Variants in MCF2L2 observed in about 807,000 individuals in gnomAD.
MCF2L2 encodes the protein probable guanine nucleotide exchange factor MCF2L2.
MCF2L2 carries 102 observed loss-of-function variants against 150.2 expected under a neutral mutation model. The observed-to-expected ratio is 0.68, with a 90% CI of 0.58 to 0.80. The LOEUF is 0.80. Among genes scored for constraint, MCF2L2 ranks in the 30% least tolerant of loss-of-function variants. The probability of loss-of-function intolerance (pLI) is 0.00; values close to 1 mark genes in which losing one functional copy is unlikely to be tolerated. For missense variants in MCF2L2, 1,256 were observed against 1,372.8 expected (o/e 0.91, Z 1.34); for synonymous variants, 465 against 491.3 (o/e 0.95, Z 0.71).
rs189421406 is a variant in MCF2L2, at chr3:183,426,518, T to C, written c.76+1384A>G. Among the ~76,000 whole-genome samples, 6 of 152,356 alleles carry C rather than the reference T, an allele frequency of 3.9e-5. No individual in the cohort carries two copies. In the East Asian group the frequency reaches 1.2e-3, roughly 29 times the overall value. On this transcript the variant is annotated intron_variant, in intron 1 of 29. Transcript: ENST00000328913. ...CTTTGAGCTGAGTGGGAAAGTACTATTAAAATTCCTATTTTTCAACCTGAG... is the reference window on the plus strand; with the variant it reads ...CTTTGAGCTGAGTGGGAAAGTACTACTAAAATTCCTATTTTTCAACCTGAG...
intron 15 of MCF2L2, chr3:183,276,622 T>C: frequency 2.4e-6 from 1 of 419,904 alleles, no homozygotes; most frequent in Non-Finnish European, 4.2e-6. Context: ...ATTCTCTTGA[T>C]AGCCCAATTT....
intron 10 of MCF2L2, among the ~76,000 whole-genome samples, chr3:183,309,436 G>A (rs529769959): frequency 6.6e-6 from 1 of 152,108 alleles, no homozygotes; most frequent in Non-Finnish European, 1.5e-5. Flanking sequence ...CCACTTGGCT[G>A]CTGACCACGT....
At chr3:183,212,459 C>T (rs918347035) in intron 22 of MCF2L2, among the ~76,000 whole-genome samples, 4 of 152,184 alleles carry the variant, frequency 2.6e-5, no homozygotes, top group Non-Finnish European at 5.9e-5. Context: ...CTCCTCTGTA[C>T]AAGAAGTGAT....
Position 183,207,821 on chromosome 3 carries a change from G to T in MCF2L2, c.2499C>A (p.Asp833Glu). 1.2e-6 allele frequency: 2 copies of T among 1,611,840 alleles called. No individual in the cohort carries two copies. The highest frequency in any genetic ancestry group is 1.7e-6 in the Non-Finnish European group (2 of 1,178,076). Residue 833 changes from aspartate (D) to glutamate (E), a missense_variant and splice_region_variant, in exon 23 of 30, where the codon GAC (aspartate) becomes GAA (glutamate). Transcript: ENST00000328913. ...VDLAAVTECP[D>E]DIGKLGKLLL... ...ACAGCTTGCCTAGTTTTCCAATATC[G>T]TCCTTTTGGAAACACACATACAGGA...
intron 22 of MCF2L2, among the ~76,000 whole-genome samples, chr3:183,209,534 G>A (rs982981155): frequency 6.6e-6 from 1 of 152,046 alleles, no homozygotes. Context: ...TGTTGCCAAG[G>A]CTGCAGTAGA....
At chr3:183,194,899 A>C (rs1346560849) in intron 26 of MCF2L2, among the ~76,000 whole-genome samples, 4 of 152,002 alleles carry the variant, frequency 2.6e-5, no homozygotes, top group African/African-American at 9.7e-5. Context: ...CTCCCACCTC[A>C]GCCTCCTGAG....
chr3:183,216,394 G>T (rs2108656177), intron 21 of MCF2L2, among the ~76,000 whole-genome samples: 1 of 143,162 alleles, frequency 7.0e-6, no homozygotes, highest in South Asian at 2.2e-4. Flanking sequence ...CAGCTATATA[G>T]CTGAATTCTA....
chr3:183,303,705 G>A (rs1178739596), intron 10 of MCF2L2, among the ~76,000 whole-genome samples: 2 of 152,074 alleles, frequency 1.3e-5, no homozygotes, highest in African/African-American at 4.8e-5. Flanking sequence ...GGGGACAACT[G>A]GTCTCCCTGC....
intron 1 of MCF2L2, among the ~76,000 whole-genome samples, chr3:183,423,646 T>TG (rs1716007044): frequency 6.9e-6 from 1 of 145,436 alleles, no homozygotes; most frequent in African/African-American, 2.5e-5. Context: ...TTTTTTTTTT[T>TG]TTTTTTTTTT....
At chr3:183,342,390 G>A (rs1034057281) in intron 3 of MCF2L2, among the ~76,000 whole-genome samples, 3 of 152,104 alleles carry the variant, frequency 2.0e-5, no homozygotes, top group African/African-American at 7.2e-5. Context: ...TCTAAAATCC[G>A]GTGCTCTTCT....
chr3:183,305,285 TATAGA>T lies in MCF2L2; in HGVS notation c.1113+4426_1113+4430del, dbSNP rs139768005. On this transcript the variant is annotated intron_variant, in intron 10 of 29. Coordinates refer to ENST00000328913, the MANE Select transcript of MCF2L2 (RefSeq NM_015078.4). The surrounding 1 kb of genome is among the most constrained non-coding windows in gnomAD (Gnocchi z 4.1). ...TCGAACTTGTCTGACTTTAGTCAAA[TATAGA>T]AACATGAGACTTGGCATGAAAGTCT... is the stretch of plus-strand genomic sequence containing the variant. 0.012 allele frequency among the ~76,000 whole-genome samples: 1,856 copies of T among 152,102 alleles called. 42 individuals are homozygous for T. The highest frequency in any genetic ancestry group is 0.042 in the African/African-American group (1,748 of 41,490).
intron 2 of MCF2L2, among the ~76,000 whole-genome samples, chr3:183,386,809 C>A (rs1713856117): frequency 6.6e-6 from 1 of 152,192 alleles, no homozygotes; most frequent in Non-Finnish European, 1.5e-5. Flanking sequence ...CTTGCTGTTT[C>A]TGCCAGAATA....
intron 16 of MCF2L2, among the ~76,000 whole-genome samples, chr3:183,230,035 T>C (rs1421617737): frequency 1.3e-5 from 2 of 152,196 alleles, no homozygotes; most frequent in Non-Finnish European, 2.9e-5. Flanking sequence ...TTAAAAATGT[T>C]TATGTTACAC....
intron 3 of MCF2L2, among the ~76,000 whole-genome samples, chr3:183,350,828 C>T (rs865951877): frequency 1.1e-4 from 17 of 151,476 alleles, no homozygotes; most frequent in African/African-American, 3.9e-4. Flanking sequence ...GGTGTGAACC[C>T]GGGAGGCGGA....
chr3:183,206,285 C>T, intron 23 of MCF2L2, 71 bp from the exon 24 acceptor site: 1 of 1,116,272 alleles, frequency 9.0e-7, no homozygotes, highest in Middle Eastern at 2.0e-4. Context: ...CTGTCAATCA[C>T]TCTAATCCTT....
rs887641106 is a variant in MCF2L2 at position 183,395,086 on chromosome 3, C to A, written c.77-5307G>T. On this transcript the variant is annotated intron_variant, in intron 1 of 29. Coordinates refer to ENST00000328913, the MANE Select transcript of MCF2L2 (RefSeq NM_015078.4). ...CTTGAATCCAGCTCATTCTGACCTCCAAAGCCCAACGTCTTAACCATTACA... is the reference window on the plus strand; with the variant it reads ...CTTGAATCCAGCTCATTCTGACCTCAAAAGCCCAACGTCTTAACCATTACA... 5.3e-5 allele frequency among the ~76,000 whole-genome samples: 8 copies of A among 152,188 alleles called. 1 individual carries two copies. The South Asian group carries it at 6.2e-4, about 12-fold the overall frequency.
chr3:183,308,693 G>A (rs1729219754), intron 10 of MCF2L2, among the ~76,000 whole-genome samples: 1 of 152,170 alleles, frequency 6.6e-6, no homozygotes, highest in Admixed American at 6.5e-5. Context: ...GTATCCTTTA[G>A]GGGTGTGTGT....
intron 5 of MCF2L2, among the ~76,000 whole-genome samples, chr3:183,329,488 C>A (rs1256484429): frequency 1.3e-5 from 2 of 152,196 alleles, no homozygotes; most frequent in Non-Finnish European, 2.9e-5. Context: ...TGTTTGGCTG[C>A]AGCTTTATCC....
chr3:183,351,201 T>TC (rs1731107343), intron 3 of MCF2L2, among the ~76,000 whole-genome samples: 1 of 64,256 alleles, frequency 1.6e-5, no homozygotes, highest in African/African-American at 9.0e-5. Flanking sequence ...TATATATATA[T>TC]ATATATATAT....
Sources: allele counts gnomAD v4.1 joint callset (sites outside exome capture counted in the v4.1 genomes callset), GRCh38; gene constraint gnomAD v4.1.1; non-coding constraint Gnocchi (gnomAD v3.1); transcripts MANE v1.5; gene names NCBI Gene and HGNC (gene_info 2026-07-23, HGNC 2026-07-21).